The following FMN2 variants were observed in gnomAD, a reference collection of about 807,000 sequenced individuals.
FMN2 encodes the protein formin 2.
FMN2 carries 51 observed loss-of-function variants against 142.3 expected under a neutral mutation model. The ratio of observed to expected loss-of-function variants is 0.36; its 90% confidence interval spans 0.29 to 0.45. The LOEUF is 0.45. Among genes scored for constraint, FMN2 ranks in the 20% least tolerant of loss-of-function variants. The pLI, the probability that FMN2 is intolerant of heterozygous loss-of-function variation, is 1.00. For synonymous variants in FMN2, 882 were observed against 869.8 expected (o/e 1.01, Z -0.25); for missense variants, 1,936 against 2,122.8 (o/e 0.91, Z 1.73).
intron 4 of FMN2, among the ~76,000 whole-genome samples, chr1:240,206,274 A>C (rs1024707285): frequency 6.6e-6 from 1 of 152,128 alleles, no homozygotes; most frequent in Non-Finnish European, 1.5e-5. Context: ...TAAAATATTA[A>C]AGTTCTAGTA....
intron 15 of FMN2, among the ~76,000 whole-genome samples, chr1:240,398,921 T>G (rs529737010): frequency 4.6e-5 from 7 of 152,302 alleles, no homozygotes; most frequent in Admixed American, 3.9e-4. Context: ...GTGGTAGAAT[T>G]AGAAACCAGA....
chr1:240,441,608 CT>C (rs371621331), intron 16 of FMN2, among the ~76,000 whole-genome samples: 18,209 of 124,970 alleles, frequency 0.15, 1,383 homozygotes, highest in East Asian at 0.34. Context: ...GCATATTGGT[CT>C]TTTTTTTTTT....
At chr1:240,254,886 G>A (rs1421474235) in intron 6 of FMN2, among the ~76,000 whole-genome samples, 1 of 152,140 alleles carries the variant, frequency 6.6e-6, no homozygotes, top group Non-Finnish European at 1.5e-5. Flanking sequence ...GTCTGGTGGG[G>A]GCTGACATTT....
chr1:240,281,142 G>A (rs1012649102), intron 7 of FMN2, among the ~76,000 whole-genome samples: 2 of 152,168 alleles, frequency 1.3e-5, no homozygotes, highest in African/African-American at 4.8e-5. Context: ...AACTTATGTC[G>A]TTAACCTTGT....
chr1:240,198,873 G>A (rs761791029), intron 4 of FMN2, among the ~76,000 whole-genome samples: 7 of 152,140 alleles, frequency 4.6e-5, no homozygotes, highest in Admixed American at 6.6e-5. Context: ...TTGGGAGGCC[G>A]AGGTGGGCGT....
intron 8 of FMN2, 66 bp downstream of exon 8, chr1:240,294,949 A>T: frequency 1.1e-5 from 16 of 1,400,956 alleles, no homozygotes; most frequent in Non-Finnish European, 1.6e-5. Flanking sequence ...CTATGTGCAC[A>T]TATAGGCTCT....
intron 16 of FMN2, among the ~76,000 whole-genome samples, chr1:240,439,368 G>A (rs1675526560): frequency 6.6e-6 from 1 of 151,882 alleles, no homozygotes; most frequent in African/African-American, 2.4e-5. Flanking sequence ...CTTCATTTTG[G>A]TCTGCTTACA....
chr1:240,306,140 G>T (rs945135687), intron 8 of FMN2, among the ~76,000 whole-genome samples: 4 of 151,934 alleles, frequency 2.6e-5, no homozygotes, highest in African/African-American at 9.7e-5. Flanking sequence ...AGTAGAGATG[G>T]TGTTTCACTA....
At chr1:240,190,496 G>A (rs1161014494) in intron 4 of FMN2, among the ~76,000 whole-genome samples, 1 of 152,138 alleles carries the variant, frequency 6.6e-6, no homozygotes, top group Non-Finnish European at 1.5e-5. Context: ...CTGTATACCT[G>A]TTCTTTTACT....
intron 15 of FMN2, among the ~76,000 whole-genome samples, chr1:240,435,120 G>T (rs1419077668): frequency 6.6e-6 from 1 of 151,970 alleles, no homozygotes; most frequent in African/African-American, 2.4e-5. Context: ...AAAGTTTTAT[G>T]CAAAGAACAT....
intron 3 of FMN2, among the ~76,000 whole-genome samples, chr1:240,186,374 G>A (rs549672412): frequency 6.6e-6 from 1 of 152,288 alleles, no homozygotes; most frequent in Admixed American, 6.5e-5. Flanking sequence ...CTATTTGGAT[G>A]TGGGGGACAC....
intron 16 of FMN2, among the ~76,000 whole-genome samples, chr1:240,439,108 A>G (rs1408165945): frequency 6.6e-6 from 1 of 151,956 alleles, no homozygotes; most frequent in East Asian, 1.9e-4. Flanking sequence ...CCCTGTCTGT[A>G]CTAAAAGTAC....
intron 2 of FMN2, among the ~76,000 whole-genome samples, chr1:240,141,455 C>G (rs1663180285): frequency 6.6e-6 from 1 of 152,034 alleles, no homozygotes; most frequent in Admixed American, 6.6e-5. Flanking sequence ...GCAAACTCTG[C>G]CCCCACGGTT....
At position 240,208,470 on chromosome 1, in the gene FMN2, G is replaced by T. The variant is rs1429540064; in HGVS notation, c.3658G>T (p.Ala1220Ser). ...PPLPGMGIPP[A>S]PAPPLPPPGT... ...CTTGCCAGGTATGGGGATTCCACCT[G>T]CTCCAGCTCCCCCACTCCCTCCACC... Residue 1220 changes from alanine to serine, a missense_variant, in exon 5 of 18, where the codon GCT (alanine) becomes TCT (serine). By Grantham distance (99) the Ala-to-Ser change is moderately conservative. Coordinates refer to ENST00000319653, the MANE Select transcript of FMN2 (RefSeq NM_020066.5). The T allele has an allele frequency of 6.2e-7, 1 of 1,608,186 alleles. No homozygotes were observed. The highest frequency in any genetic ancestry group is 1.1e-5 in the South Asian group (1 of 90,470).
intron 8 of FMN2, among the ~76,000 whole-genome samples, chr1:240,325,900 T>C (rs1671156246): frequency 6.6e-6 from 1 of 152,216 alleles, no homozygotes. Flanking sequence ...GCGTGAGCTA[T>C]GGTGCTGCTG....
chr1:240,267,617 T>G lies in FMN2; in HGVS notation c.4153+9585T>G, dbSNP rs1173347844. On this transcript the variant is annotated intron_variant, in intron 7 of 17. Transcript: ENST00000319653. ...GTTTACCTATGTAGCAAACCTGCAC[T>G]TGTACCCCTGAACTTAAAAAAAAAA... Among the ~76,000 whole-genome samples the G allele has an allele frequency of 1.6e-4, 22 of 139,444 alleles. 1 individual carries two copies. Among genetic ancestry groups the G allele is most frequent in the Non-Finnish European group, 3.4e-4 (22 of 64,858 alleles). 91.5% of individuals were successfully genotyped at this position (139,444 alleles called of 152,430 possible).
At chr1:240,114,088 A>G (rs1661924080) in intron 1 of FMN2, among the ~76,000 whole-genome samples, 1 of 152,198 alleles carries the variant, frequency 6.6e-6, no homozygotes. Flanking sequence ...AATATTTTCA[A>G]TGCCATAATA....
chr1:240,134,353 C>T (rs908729783), intron 2 of FMN2, among the ~76,000 whole-genome samples: 1 of 152,096 alleles, frequency 6.6e-6, no homozygotes, highest in Non-Finnish European at 1.5e-5. Context: ...TGTGGTGGCT[C>T]ACACCTGTAA....
At chr1:240,196,143 A>G (rs1665901934) in intron 4 of FMN2, among the ~76,000 whole-genome samples, 1 of 152,360 alleles carries the variant, frequency 6.6e-6, no homozygotes, top group African/African-American at 2.4e-5. Flanking sequence ...AAAACGTTTT[A>G]TGCTCAGTAG....
Sources: gnomAD v4.1 joint callset for allele counts (sites outside exome capture counted in the v4.1 genomes callset) on GRCh38, gnomAD v4.1.1 for gene constraint, MANE v1.5 for transcripts, NCBI Gene and HGNC (gene_info 2026-07-23, HGNC 2026-07-21) for gene names.